The following CCDC85C variants were observed in gnomAD, a reference collection of about 807,000 sequenced individuals.
CCDC85C encodes coiled-coil domain-containing protein 85C.
A neutral mutation model predicts 38.3 loss-of-function variants in CCDC85C; 18 were observed. The ratio of observed to expected loss-of-function variants is 0.47; its 90% confidence interval spans 0.33 to 0.70. CCDC85C has a LOEUF of 0.70. Among genes scored for constraint, CCDC85C ranks in the 30% least tolerant of loss-of-function variants. CCDC85C has a pLI of 0.03. For synonymous variants in CCDC85C, 264 were observed against 293.8 expected (o/e 0.90, Z 1.04); for missense variants, 566 against 621.2 (o/e 0.91, Z 0.94).
rs377690537 is a variant in CCDC85C, at chr14:99,510,227, C to T, written c.*5019G>A. 1.9e-6 allele frequency: 3 copies of T among 1,596,674 alleles called. No homozygotes were observed. Among genetic ancestry groups the T allele is most frequent in the African/African-American group, 1.3e-5 (1 of 74,588 alleles). The stretch of plus-strand genomic sequence containing the variant: ...CGGGCCCTGTGGATGCCACTGACCT[C>T]CCCAAAGTCCAGATTCCCCCTCCGG... On this transcript the variant is annotated 3_prime_UTR_variant, in exon 6 of 6. Coordinates refer to ENST00000380243, the MANE Select transcript of CCDC85C (RefSeq NM_001144995.2).
In CCDC85C at chr14:99,569,838, G is replaced by A. The variant is rs1595091948; in HGVS notation, c.793+33329C>T. On this transcript the variant is annotated intron_variant, in intron 1 of 5. Coordinates refer to ENST00000380243, the MANE Select transcript of CCDC85C (RefSeq NM_001144995.2). This position sits in a 1 kb window ranked among gnomAD's most constrained non-coding sequence, Gnocchi z 4.3. ...GATACTGGAGGTTAGAAAGACCCCT[G>A]TTGTAATCCCAACTTTGGGAAGCTG... Among the ~76,000 whole-genome samples, 1 of 152,236 alleles carries A rather than the reference G, an allele frequency of 6.6e-6. No individual in the cohort carries two copies. Among genetic ancestry groups the A allele is most frequent in the South Asian group, 2.1e-4 (1 of 4,824 alleles).
Position 99,603,678 on chromosome 14 carries a change from G to A in CCDC85C, c.282C>T (p.Asp94=). The A allele has an allele frequency of 2.7e-6, 4 of 1,495,048 alleles. No individual in the cohort carries two copies. Among genetic ancestry groups the A allele is most frequent in the South Asian group, 2.5e-5 (2 of 80,408 alleles). The allele number at this position is 1,495,048 out of a possible 1,614,324, so 92.6% of individuals were successfully genotyped here. The change falls in exon 1 of 6, where the codon GAC becomes GAT. Residue 94 remains aspartate (D), a synonymous_variant. Transcript: ENST00000380243. The surrounding 1 kb of genome is among the most constrained non-coding windows in gnomAD (Gnocchi z 7.5). ...LRELCCFLDD[D]RQKGRKLARE... The stretch of plus-strand genomic sequence containing the variant: ...GCGCCAGCTTGCGCCCCTTCTGCCG[G>A]TCGTCGTCGAGGAAGCAGCAGAGCT...
intron 2 of CCDC85C, among the ~76,000 whole-genome samples, chr14:99,524,837 G>A (rs1438051727): frequency 2.0e-5 from 3 of 152,146 alleles, no homozygotes; most frequent in Non-Finnish European, 2.9e-5. Flanking sequence ...GAGGCAGGGG[G>A]TCCACTGCCG....
At position 99,509,435 on chromosome 14, in the gene CCDC85C, G is replaced by C. The variant is rs1368969631; in HGVS notation, c.*5811C>G. On this transcript the variant is annotated 3_prime_UTR_variant, in exon 6 of 6. Transcript: ENST00000380243. ...GCGCTGTGGGAGGGGCCTGAGGCTG[G>C]TTCTGAGCACGAGTATCTTGGGCGT... 6.6e-6 allele frequency: 1 copy of C among 152,314 alleles called. No homozygotes were observed. Among genetic ancestry groups the C allele is most frequent in the Non-Finnish European group, 1.5e-5 (1 of 68,108 alleles). The allele number at this position is 152,314 out of a possible 1,614,324, so 9.4% of individuals were successfully genotyped here. A position where few individuals can be genotyped will look rare whatever the true frequency, so the allele number is the denominator to read the frequency against.
chr14:99,510,878 T>G lies in CCDC85C; in HGVS notation c.*4368A>C. The G allele has an allele frequency of 9.4e-7, 1 of 1,065,942 alleles. No individual in the cohort carries two copies. Among genetic ancestry groups the G allele is most frequent in the East Asian group, 3.1e-5 (1 of 31,990 alleles). The allele number at this position is 1,065,942 out of a possible 1,614,324, so 66.0% of individuals were successfully genotyped here. On this transcript the variant is annotated 3_prime_UTR_variant, in exon 6 of 6. Transcript: ENST00000380243. ...GTAAGCAGCAGGGTACCTTGTATAATGCACGACAGTTGCAGTATGGGAAGA... is the reference window on the plus strand; with the variant it reads ...GTAAGCAGCAGGGTACCTTGTATAAGGCACGACAGTTGCAGTATGGGAAGA...
chr14:99,546,064 G>A (rs1023137910), intron 1 of CCDC85C, among the ~76,000 whole-genome samples: 25 of 152,018 alleles, frequency 1.6e-4, no homozygotes, highest in African/African-American at 6.0e-4. Context: ...GCATGGGGGG[G>A]GGGAATAAAC....
At chr14:99,560,989 C>T (rs1733817326) in intron 1 of CCDC85C, among the ~76,000 whole-genome samples, 1 of 152,224 alleles carries the variant, frequency 6.6e-6, no homozygotes, top group Admixed American at 6.5e-5. Flanking sequence ...GAAGCCTGGG[C>T]CGGGCCACAG....
rs1418804857 is a variant in CCDC85C, at chr14:99,522,117, T to G, written c.975+16A>C. ...CTCATCCAGAACATGTGGGCTTTTT[T>G]GGGGTGCACACTCACGTTCTGCAGG... On this transcript the variant is annotated intron_variant, in intron 3 of 5. Transcript: ENST00000380243. 10 of 1,539,608 alleles carry G rather than the reference T, an allele frequency of 6.5e-6. No homozygotes were observed. The highest frequency in any genetic ancestry group is 1.7e-4 in the Middle Eastern group (1 of 5,954).
In CCDC85C at chr14:99,516,167, C is replaced by A; in HGVS notation, c.1170+21G>T. On this transcript the variant is annotated intron_variant, in intron 5 of 5. Transcript: ENST00000380243. The surrounding 1 kb of genome is among the most constrained non-coding windows in gnomAD (Gnocchi z 5.5). The stretch of plus-strand genomic sequence containing the variant: ...GCACTCCCAGTGCCAAGCCTCTGCC[C>A]CCCACCCCTGGAAGCCTCACGTTGC... 6.5e-7 allele frequency: 1 copy of A among 1,543,912 alleles called. No homozygotes were observed.
intron 1 of CCDC85C, among the ~76,000 whole-genome samples, chr14:99,553,870 G>T (rs1449384621): frequency 6.6e-6 from 1 of 152,190 alleles, no homozygotes; most frequent in Non-Finnish European, 1.5e-5. Flanking sequence ...CCTGAGCTGT[G>T]CTGGGGACGG....
At chr14:99,564,396 T>C (rs1050063602) in intron 1 of CCDC85C, among the ~76,000 whole-genome samples, 1 of 152,234 alleles carries the variant, frequency 6.6e-6, no homozygotes, top group African/African-American at 2.4e-5. Flanking sequence ...CCCATATGCC[T>C]GTGCCCACCT....
At chr14:99,518,105 G>A (rs756115644) in intron 3 of CCDC85C, among the ~76,000 whole-genome samples, 3 of 152,132 alleles carry the variant, frequency 2.0e-5, no homozygotes, top group African/African-American at 4.8e-5. Flanking sequence ...GCCTCCCAAC[G>A]GCCTGGCAAG....
intron 1 of CCDC85C, chr14:99,583,144 A>T (rs2054991352): frequency 6.6e-6 from 1 of 152,210 alleles, no homozygotes; most frequent in African/African-American, 2.4e-5. Context: ...AATGCCTTTT[A>T]AAAAAATTAA....
intron 1 of CCDC85C, among the ~76,000 whole-genome samples, chr14:99,568,786 T>C (rs532049008): frequency 6.6e-6 from 1 of 152,316 alleles, no homozygotes; most frequent in South Asian, 2.1e-4. Flanking sequence ...ACACAGGCTC[T>C]GAGAAAAGGG....
chr14:99,517,970 C>T (rs1362052736), intron 3 of CCDC85C, among the ~76,000 whole-genome samples: 2 of 152,206 alleles, frequency 1.3e-5, no homozygotes, highest in Non-Finnish European at 2.9e-5. Flanking sequence ...AAACACCCAG[C>T]GGTGCCCTGT....
intron 5 of CCDC85C, among the ~76,000 whole-genome samples, chr14:99,515,950 T>A (rs1168884926): frequency 6.6e-6 from 1 of 151,836 alleles, no homozygotes; most frequent in African/African-American, 2.4e-5. Flanking sequence ...ACGGCACTCC[T>A]GGGGAGGGCG....
rs779000691 is a variant in CCDC85C at position 99,503,456 on chromosome 14, G to A, written c.*11790C>T. 10 of 633,260 alleles carry A rather than the reference G, an allele frequency of 1.6e-5. No individual in the cohort carries two copies. The highest frequency in any genetic ancestry group is 2.8e-5 in the Admixed American group (1 of 35,134). 39.2% of individuals were successfully genotyped at this position (633,260 alleles called of 1,614,324 possible). A position where few individuals can be genotyped will look rare whatever the true frequency, so the allele number is the denominator to read the frequency against. On this transcript the variant is annotated 3_prime_UTR_variant, in exon 6 of 6. Coordinates refer to ENST00000380243, the MANE Select transcript of CCDC85C (RefSeq NM_001144995.2). ...CAGAAATGATGATCTGGTAGGTGCC[G>A]TGGTTTGCCCTGAAAGTTCAGGCTA...
At position 99,576,769 on chromosome 14, in the gene CCDC85C, A is replaced by T. The variant is rs572938727; in HGVS notation, c.793+26398T>A. 2.6e-5 allele frequency among the ~76,000 whole-genome samples: 4 copies of T among 152,144 alleles called. No homozygotes were observed. In the South Asian group the frequency reaches 8.3e-4, roughly 32 times the overall value. On this transcript the variant is annotated intron_variant, in intron 1 of 5. Coordinates refer to ENST00000380243, the MANE Select transcript of CCDC85C (RefSeq NM_001144995.2). This position sits in a 1 kb window ranked among gnomAD's most constrained non-coding sequence, Gnocchi z 4.8. ...GGTTTACAATCTTCCTACCCATGAC[A>T]CCCTGGGGATTCAGAGGGTGGAACG...
chr14:99,537,682 G>A (rs970021917), intron 1 of CCDC85C, among the ~76,000 whole-genome samples: 1 of 152,074 alleles, frequency 6.6e-6, no homozygotes, highest in Admixed American at 6.5e-5. Flanking sequence ...CAGCCTCCCC[G>A]CCCTGCCAGG....
Sources: gnomAD v4.1 joint callset for allele counts (sites outside exome capture counted in the v4.1 genomes callset) on GRCh38, gnomAD v4.1.1 for gene constraint, Gnocchi (gnomAD v3.1) non-coding constraint, MANE v1.5 for transcripts, NCBI Gene and HGNC (gene_info 2026-07-23, HGNC 2026-07-21) for gene names.